The following DIAPH2 variants were observed in gnomAD, a reference collection of about 807,000 sequenced individuals.
DIAPH2 encodes diaphanous related formin 2, also known as protein diaphanous homolog 2.
A neutral mutation model predicts 92.7 loss-of-function variants in DIAPH2; 35 were observed. The observed-to-expected ratio is 0.38, with a 90% confidence interval of 0.29 to 0.50. The LOEUF (loss-of-function observed/expected upper bound fraction) is 0.50. DIAPH2 is among the 20% of genes least tolerant of loss of function. The pLI is 0.94. For synonymous variants in DIAPH2, 301 were observed against 280.4 expected, an observed-to-expected ratio of 1.07 and a Z score of -0.73; for missense variants, 701 against 819.5, an observed-to-expected ratio of 0.86 and a Z score of 1.77.
At chrX:97,472,120 A>T (rs1569406276) in intron 26 of DIAPH2, among the ~76,000 whole-genome samples, 1 of 112,352 alleles carries the variant, frequency 8.9e-6, no homozygotes, top group Non-Finnish European at 1.9e-5. Flanking sequence ...CTACATTTTT[A>T]AAAAATGAGT....
intron 17 of DIAPH2, among the ~76,000 whole-genome samples, chrX:97,030,587 G>T (rs1163478379): frequency 9.1e-6 from 1 of 110,237 alleles, no homozygotes; most frequent in Non-Finnish European, 1.9e-5. Flanking sequence ...GGCAGCAGGG[G>T]GAAATAACAA....
At chrX:96,689,062 C>T (rs2063786115) in intron 1 of DIAPH2, among the ~76,000 whole-genome samples, 1 of 109,489 alleles carries the variant, frequency 9.1e-6, no homozygotes, top group Non-Finnish European at 1.9e-5. Context: ...AAAGGCTTAT[C>T]GCAGTAGGTG....
intron 26 of DIAPH2, among the ~76,000 whole-genome samples, chrX:97,567,906 G>T (rs1428131958): frequency 9.2e-6 from 1 of 108,788 alleles, no homozygotes; most frequent in Non-Finnish European, 1.9e-5. Context: ...CCTGAGGTTG[G>T]GAGTTCGAGA....
intron 26 of DIAPH2, among the ~76,000 whole-genome samples, chrX:97,501,845 C>T (rs907908107): frequency 1.8e-5 from 2 of 111,598 alleles, no homozygotes; most frequent in East Asian, 5.6e-4. Flanking sequence ...CTCTGTTGCC[C>T]AGGCTGGAGT....
chrX:97,194,921 GGTTAAACCAT>G (rs1187911063), intron 22 of DIAPH2, among the ~76,000 whole-genome samples: 2 of 111,766 alleles, frequency 1.8e-5, no homozygotes, highest in African/African-American at 6.5e-5. Context: ...TGTAATAATT[GGTTAAACCAT>G]TTGGTTGGGG....
chrX:96,713,927 A>T (rs1454269014), intron 1 of DIAPH2, among the ~76,000 whole-genome samples: 1 of 112,107 alleles, frequency 8.9e-6, no homozygotes, highest in East Asian at 2.8e-4. Context: ...AGCAATTATG[A>T]ATAAAGCTGC....
chrX:96,801,334 A>T (rs993677137), intron 4 of DIAPH2, among the ~76,000 whole-genome samples: 12 of 112,154 alleles, frequency 1.1e-4, no homozygotes, highest in Non-Finnish European at 2.1e-4. Flanking sequence ...CATTTTTTAA[A>T]TGTCACTTTC....
At chrX:96,774,909 C>A (rs1018617867) in intron 4 of DIAPH2, among the ~76,000 whole-genome samples, 3 of 112,155 alleles carry the variant, frequency 2.7e-5, no homozygotes, top group Middle Eastern at 4.2e-3. Flanking sequence ...TCGTTTTGTT[C>A]AATCTCTACA....
intron 17 of DIAPH2, among the ~76,000 whole-genome samples, chrX:97,021,140 T>C (rs766871622): frequency 8.9e-6 from 1 of 112,377 alleles, no homozygotes; most frequent in Non-Finnish European, 1.9e-5. Context: ...AAGATCTTGC[T>C]GGATGGGGAC....
intron 21 of DIAPH2, among the ~76,000 whole-genome samples, chrX:97,128,870 A>T (rs1054261988): frequency 9.0e-5 from 10 of 111,570 alleles, no homozygotes; most frequent in African/African-American, 3.3e-4. Flanking sequence ...TTGAGGTAGT[A>T]TTCCATTGTA....
At chrX:96,937,589 ATACTC>A (rs751544165) in intron 11 of DIAPH2, among the ~76,000 whole-genome samples, 40 of 111,955 alleles carry the variant, frequency 3.6e-4, no homozygotes, top group African/African-American at 1.2e-3. Flanking sequence ...TATTATAGAT[ATACTC>A]TACTCAGTGG....
chrX:97,286,813 A>T (rs1445648734), intron 23 of DIAPH2, among the ~76,000 whole-genome samples: 1 of 111,281 alleles, frequency 9.0e-6, no homozygotes, highest in Non-Finnish European at 1.9e-5. Flanking sequence ...GGAATGACCC[A>T]GATACCCCTC....
At chrX:96,831,776 C>A (rs2064856406) in intron 4 of DIAPH2, among the ~76,000 whole-genome samples, 1 of 111,826 alleles carries the variant, frequency 8.9e-6, no homozygotes, top group Non-Finnish European at 1.9e-5. Flanking sequence ...GGTCTTTAAA[C>A]AACAGAGACT....
intron 17 of DIAPH2, among the ~76,000 whole-genome samples, chrX:96,999,363 G>C (rs141351055): frequency 0.012 from 1,271 of 108,905 alleles, 16 homozygotes; most frequent in African/African-American, 0.04. Context: ...TTAGCCTGGC[G>C]TGGTGGCGGG....
intron 23 of DIAPH2, among the ~76,000 whole-genome samples, chrX:97,264,357 A>G (rs2068316741): frequency 1.8e-5 from 2 of 111,653 alleles, no homozygotes; most frequent in Admixed American, 9.6e-5. Context: ...ATAAATGCAC[A>G]TATGCCTCTT....
intron 23 of DIAPH2, among the ~76,000 whole-genome samples, chrX:97,335,459 C>T (rs933144226): frequency 8.9e-6 from 1 of 111,841 alleles, no homozygotes; most frequent in Non-Finnish European, 1.9e-5. Flanking sequence ...TAATTAACAT[C>T]TGTGTATGCC....
chrX:97,322,394 A>C (rs769522975), intron 23 of DIAPH2, among the ~76,000 whole-genome samples: 5 of 112,265 alleles, frequency 4.5e-5, no homozygotes, highest in Non-Finnish European at 7.5e-5. Context: ...GAAAAGCTGA[A>C]CATAGGATAT....
intron 22 of DIAPH2, among the ~76,000 whole-genome samples, chrX:97,234,331 C>CAAAAAAAAAAAAAAAAAAAAAAAAAAA (rs1182930277): frequency 3.2e-5 from 1 of 31,205 alleles, no homozygotes. Context: ...AACTCCATCT[C>CAAAAAAAAAAAAAAAAAAAAAAAAAAA]AAAAAAAAAA....
At chrX:97,214,708 G>A (rs1040562822) in intron 22 of DIAPH2, among the ~76,000 whole-genome samples, 1 of 107,316 alleles carries the variant, frequency 9.3e-6, no homozygotes, top group Non-Finnish European at 1.9e-5. Flanking sequence ...GCGCATGCCT[G>A]TAATCCCAGC....
Sources: gnomAD v4.1 joint callset for allele counts (sites outside exome capture counted in the v4.1 genomes callset) on GRCh38, gnomAD v4.1.1 for gene constraint, MANE v1.5 for transcripts, NCBI Gene and HGNC (gene_info 2026-07-23, HGNC 2026-07-21) for gene names.